Variants in EPB41L4B observed in about 807,000 individuals in gnomAD.
EPB41L4B encodes the protein band 4.1-like protein 4B.
EPB41L4B carries 30 observed loss-of-function variants against 112.5 expected under a neutral mutation model. The ratio of observed to expected loss-of-function variants is 0.27; its 90% CI spans 0.20 to 0.36. EPB41L4B has a LOEUF of 0.36. Among genes scored for constraint, EPB41L4B ranks in the 10% least tolerant of loss-of-function variants. The probability of loss-of-function intolerance (pLI) is 1.00; values close to 1 mark genes in which losing one functional copy is unlikely to be tolerated. For missense variants in EPB41L4B, 1,024 were observed against 1,133.3 expected (o/e 0.90, Z 1.38); for synonymous variants, 408 against 439.7 (o/e 0.93, Z 0.90).
At chr9:109,243,022 C>T (rs1254915233) in intron 15 of EPB41L4B, among the ~76,000 whole-genome samples, 1 of 151,746 alleles carries the variant, frequency 6.6e-6, no homozygotes, top group Non-Finnish European at 1.5e-5. Flanking sequence ...ACAGCCATAG[C>T]CTCTCATTTA....
chr9:109,277,848 G>C (rs565697602), intron 2 of EPB41L4B, among the ~76,000 whole-genome samples: 1 of 152,154 alleles, frequency 6.6e-6, no homozygotes, highest in Admixed American at 6.5e-5. Flanking sequence ...GAAAATGGAA[G>C]GAATCAAGGG....
At chr9:109,235,293 A>G (rs1015530025) in intron 15 of EPB41L4B, among the ~76,000 whole-genome samples, 1 of 150,780 alleles carries the variant, frequency 6.6e-6, no homozygotes, top group Non-Finnish European at 1.5e-5. Flanking sequence ...CTTACATCTG[A>G]TCTGTCCTTT....
chr9:109,304,384 T>A (rs186441057), intron 1 of EPB41L4B, among the ~76,000 whole-genome samples: 3 of 152,350 alleles, frequency 2.0e-5, no homozygotes, highest in Admixed American at 6.5e-5. Flanking sequence ...TTCACTCCAA[T>A]TAAACCAAGA....
Position 109,266,968 on chromosome 9 carries a change from CAAAAAAAA to C in EPB41L4B, c.533+497_533+504del, listed in dbSNP as rs3061574. Among the ~76,000 whole-genome samples, 416 of 91,760 alleles carry C rather than the reference CAAAAAAAA, an allele frequency of 4.5e-3. 3 individuals carry two copies. Among genetic ancestry groups the C allele is most frequent in the African/African-American group, 0.013 (355 of 27,446 alleles). The allele number at this position is 91,760 out of a possible 152,430, so 60.2% of individuals were successfully genotyped here. A position where few individuals can be genotyped will look rare whatever the true frequency, so the allele number is the denominator to read the frequency against. ...TAGGCAACACAGCAAGATTTTGTTTCAAAAAAAAAAAAAAAAAAAAAAAAAGAAATTCA... is the reference window on the plus strand; with the variant it reads ...TAGGCAACACAGCAAGATTTTGTTTCAAAAAAAAAAAAAAAAAGAAATTCA... On this transcript the variant is annotated intron_variant, in intron 4 of 25. Coordinates refer to ENST00000374566, the MANE Select transcript of EPB41L4B (RefSeq NM_019114.5).
At chr9:109,179,655 T>C (rs1831981326) in intron 24 of EPB41L4B, among the ~76,000 whole-genome samples, 1 of 152,188 alleles carries the variant, frequency 6.6e-6, no homozygotes, top group Non-Finnish European at 1.5e-5. Flanking sequence ...TTTCCAAGTT[T>C]CTTTATCTCA....
At position 109,314,634 on chromosome 9, in the gene EPB41L4B, A is replaced by ACCC. The variant is rs371227056; in HGVS notation, c.306+5504_306+5506dup. On this transcript the variant is annotated intron_variant, in intron 1 of 25. Transcript: ENST00000374566. ...GAAGGGTGTTCATTACCCCTCTCTC[A>ACCC]CCCCCCCCCACCTCAGCCTTTCTTT... 3.0e-3 allele frequency among the ~76,000 whole-genome samples: 399 copies of ACCC among 131,336 alleles called. 3 individuals are homozygous for ACCC. The highest frequency in any genetic ancestry group is 0.013 in the African/African-American group (385 of 29,170). The allele number at this position is 131,336 out of a possible 152,430, so 86.2% of individuals were successfully genotyped here. A position where few individuals can be genotyped will look rare whatever the true frequency, so the allele number is the denominator to read the frequency against.
intron 4 of EPB41L4B, 100 bp from the exon 5 acceptor site, chr9:109,265,124 G>T: frequency 2.2e-6 from 2 of 912,534 alleles, no homozygotes; most frequent in Non-Finnish European, 3.3e-6. Context: ...ACAGCATGGA[G>T]TTTTGCATTG....
At chr9:109,285,484 G>T (rs553170091) in intron 1 of EPB41L4B, among the ~76,000 whole-genome samples, 14 of 152,156 alleles carry the variant, frequency 9.2e-5, no homozygotes, top group African/African-American at 2.7e-4. Flanking sequence ...ATCTGTAACT[G>T]CCCCTCCCAT....
chr9:109,239,767 G>T, intron 15 of EPB41L4B: 1 of 942,050 alleles, frequency 1.1e-6, no homozygotes, highest in Non-Finnish European at 1.3e-6. Flanking sequence ...GGTATTATAT[G>T]GCATACACAA....
At chr9:109,185,730 A>G (rs1564250885) in intron 22 of EPB41L4B, 125 bp from the exon 23 acceptor site, 1 of 668,124 alleles carries the variant, frequency 1.5e-6, no homozygotes, top group Non-Finnish European at 2.4e-6. Context: ...GCAACTCCAG[A>G]CTGTTCTCAA....
intron 25 of EPB41L4B, 129 bp downstream of exon 25, chr9:109,176,422 A>G (rs538276464): frequency 9.1e-7 from 1 of 1,104,264 alleles, no homozygotes; most frequent in African/African-American, 1.6e-5. Context: ...AGACATTTCA[A>G]TAAATACTTA....
intron 24 of EPB41L4B, among the ~76,000 whole-genome samples, chr9:109,180,973 C>CAT (rs57123306): frequency 0.43 from 65,851 of 151,782 alleles, 14,974 homozygotes; most frequent in African/African-American, 0.54. Flanking sequence ...CAAACTCTCT[C>CAT]TTTGTAGATG....
At chr9:109,229,189 A>G (rs1247578954) in intron 15 of EPB41L4B, among the ~76,000 whole-genome samples, 3 of 152,328 alleles carry the variant, frequency 2.0e-5, no homozygotes, top group East Asian at 3.9e-4. Flanking sequence ...TTCTTCTTCC[A>G]TGGATCTTGT....
At chr9:109,296,722 A>T (rs914700345) in intron 1 of EPB41L4B, among the ~76,000 whole-genome samples, 4 of 152,098 alleles carry the variant, frequency 2.6e-5, no homozygotes, top group Admixed American at 6.6e-5. Context: ...CTCCATCTCT[A>T]CACAAAATTT....
At position 109,223,015 on chromosome 9, in the gene EPB41L4B, G is replaced by A. The variant is rs138042216; in HGVS notation, c.1410-5870C>T. ...GGGCCTAGCCATAAGAGACTTTATT[G>A]CTTGCAGAACAAGTGATGTTACAGG... On this transcript the variant is annotated intron_variant, in intron 15 of 25. Transcript: ENST00000374566. Among the ~76,000 whole-genome samples the A allele has an allele frequency of 1.4e-3, 211 of 152,244 alleles. 3 individuals are homozygous for A. Among genetic ancestry groups the A allele is most frequent in the African/African-American group, 4.8e-3 (198 of 41,540 alleles).
chr9:109,178,427 G>A (rs1044882495), intron 24 of EPB41L4B, among the ~76,000 whole-genome samples: 1 of 151,038 alleles, frequency 6.6e-6, no homozygotes, highest in African/African-American at 2.4e-5. Context: ...TGTTGCCCAG[G>A]CTGGAGGCCA....
intron 13 of EPB41L4B, among the ~76,000 whole-genome samples, chr9:109,249,072 A>ATAT (rs1554754151): frequency 3.8e-5 from 5 of 130,900 alleles, no homozygotes; most frequent in South Asian, 2.6e-4. Flanking sequence ...AAAAAAAAAA[A>ATAT]ATATATATAT....
intron 1 of EPB41L4B, among the ~76,000 whole-genome samples, chr9:109,283,582 G>A (rs2119150179): frequency 6.6e-6 from 1 of 152,186 alleles, no homozygotes; most frequent in South Asian, 2.1e-4. Flanking sequence ...TAATTACGAA[G>A]ATGAGATAAA....
At chr9:109,306,066 G>A (rs988959177) in intron 1 of EPB41L4B, among the ~76,000 whole-genome samples, 3 of 152,232 alleles carry the variant, frequency 2.0e-5, no homozygotes, top group Admixed American at 2.0e-4. Context: ...GACTTGAACA[G>A]CCTGGAAATG....
Sources: allele counts gnomAD v4.1 joint callset (sites outside exome capture counted in the v4.1 genomes callset), GRCh38; gene constraint gnomAD v4.1.1; transcripts MANE v1.5; gene names NCBI Gene and HGNC (gene_info 2026-07-23, HGNC 2026-07-21).